DPP10: variants seen among roughly 807,000 people sequenced by gnomAD.
The protein encoded by DPP10 is dipeptidyl peptidase like 10.
DPP10 carries 33 observed loss-of-function variants against 120.9 expected under a neutral mutation model. The observed-to-expected ratio is 0.27, with a 90% CI of 0.21 to 0.37. The LOEUF is 0.37. Among genes scored for constraint, DPP10 ranks in the 10% least tolerant of loss-of-function variants. The pLI is 1.00. For synonymous variants in DPP10, 337 were observed against 326.1 expected (o/e 1.03, Z -0.36); for missense variants, 816 against 942.8 (o/e 0.87, Z 1.76).
chr2:115,607,367 G>A (rs2083769107), intron 5 of DPP10, among the ~76,000 whole-genome samples: 1 of 152,116 alleles, frequency 6.6e-6, no homozygotes, highest in African/African-American at 2.4e-5. Flanking sequence ...TTTAGTAAAA[G>A]GGAACATATG....
intron 1 of DPP10, among the ~76,000 whole-genome samples, chr2:115,305,584 A>C (rs978412380): frequency 6.6e-6 from 1 of 151,790 alleles, no homozygotes; most frequent in Non-Finnish European, 1.5e-5. Context: ...ATAATTTTAA[A>C]AAATTAACTG....
chr2:114,809,759 CAG>C (rs1045731143), intron 1 of DPP10, among the ~76,000 whole-genome samples: 1 of 152,152 alleles, frequency 6.6e-6, no homozygotes, highest in African/African-American at 2.4e-5. Flanking sequence ...GAAACCCACT[CAG>C]AGTCTATTCA....
chr2:115,557,812 C>G (rs890812386), intron 5 of DPP10, among the ~76,000 whole-genome samples: 4 of 152,114 alleles, frequency 2.6e-5, no homozygotes, highest in Admixed American at 6.5e-5. Context: ...AGGCTCCTAC[C>G]TAGGAAGACA....
chr2:114,857,429 G>A (rs983282458), intron 1 of DPP10, among the ~76,000 whole-genome samples: 3 of 152,178 alleles, frequency 2.0e-5, no homozygotes. Context: ...CTCTAGAGAT[G>A]TTAAGCCATA....
chr2:114,716,064 A>G (rs951007405), intron 1 of DPP10, among the ~76,000 whole-genome samples: 1 of 152,176 alleles, frequency 6.6e-6, no homozygotes, highest in Middle Eastern at 3.4e-3. Flanking sequence ...TTTTAAAAAA[A>G]AAACAAACGC....
chr2:114,856,203 A>G (rs1689356562), intron 1 of DPP10, among the ~76,000 whole-genome samples: 1 of 152,306 alleles, frequency 6.6e-6, no homozygotes, highest in South Asian at 2.1e-4. Context: ...ATCCCATGAG[A>G]TATCATAATA....
At chr2:115,834,598 C>A (rs184082872) in intron 21 of DPP10, among the ~76,000 whole-genome samples, 210 of 151,912 alleles carry the variant, frequency 1.4e-3, no homozygotes, top group African/African-American at 4.9e-3. Context: ...GACATCTTGG[C>A]TTATTAAAAA....
intron 1 of DPP10, among the ~76,000 whole-genome samples, chr2:114,444,942 ATCTC>A (rs1320958225): frequency 1.3e-5 from 2 of 152,136 alleles, no homozygotes; most frequent in East Asian, 3.9e-4. Flanking sequence ...TGAGTGGAAA[ATCTC>A]TCTTAGTTCA....
At chr2:115,357,835 A>G (rs1461100216) in intron 3 of DPP10, among the ~76,000 whole-genome samples, 1 of 152,132 alleles carries the variant, frequency 6.6e-6, no homozygotes, top group East Asian at 1.9e-4. Flanking sequence ...TTTTCTGTGC[A>G]CCCATAGGAC....
At chr2:114,917,755 T>A (rs531655537) in intron 1 of DPP10, among the ~76,000 whole-genome samples, 1 of 152,224 alleles carries the variant, frequency 6.6e-6, no homozygotes, top group Non-Finnish European at 1.5e-5. Flanking sequence ...GCTAGCCACA[T>A]GCAGAAGACT....
At position 114,839,830 on chromosome 2, in the gene DPP10, T is replaced by C. The variant is rs184091163; in HGVS notation, c.60+396992T>C. ...ATTTCAAAGAAAAAATGTAAAATTCTCGTTAATCTAAGAAGACTCAGAGAA... is the reference window on the plus strand; with the variant it reads ...ATTTCAAAGAAAAAATGTAAAATTCCCGTTAATCTAAGAAGACTCAGAGAA... On this transcript the variant is annotated intron_variant, in intron 1 of 25. Coordinates refer to ENST00000410059, the MANE Select transcript of DPP10 (RefSeq NM_020868.6). Among the ~76,000 whole-genome samples the C allele has an allele frequency of 1.6e-3, 238 of 152,322 alleles. 1 individual carries two copies. The highest frequency in any genetic ancestry group is 5.1e-3 in the African/African-American group (214 of 41,580).
At chr2:114,943,260 T>C (rs1412815779) in intron 1 of DPP10, among the ~76,000 whole-genome samples, 2 of 152,142 alleles carry the variant, frequency 1.3e-5, no homozygotes, top group Admixed American at 1.3e-4. Context: ...TGGTATTCCA[T>C]GTCGTATATG....
intron 8 of DPP10, among the ~76,000 whole-genome samples, chr2:115,728,353 T>A (rs1265063577): frequency 1.3e-5 from 2 of 151,552 alleles, no homozygotes; most frequent in Admixed American, 6.6e-5. Flanking sequence ...AGGGACATTC[T>A]GTCACACTTT....
intron 1 of DPP10, among the ~76,000 whole-genome samples, chr2:115,221,166 C>T (rs191193667): frequency 6.4e-4 from 97 of 152,018 alleles, no homozygotes; most frequent in Admixed American, 5.1e-3. Flanking sequence ...AATTAAAGTA[C>T]GTCACAAAGA....
chr2:115,537,424 A>G (rs527260377), intron 5 of DPP10, among the ~76,000 whole-genome samples: 66 of 152,160 alleles, frequency 4.3e-4, no homozygotes, highest in Admixed American at 7.9e-4. Context: ...ATATTTGGCA[A>G]ATATTAGGTT....
intron 1 of DPP10, among the ~76,000 whole-genome samples, chr2:115,289,283 G>C (rs1463339434): frequency 6.6e-6 from 1 of 151,924 alleles, no homozygotes; most frequent in Non-Finnish European, 1.5e-5. Context: ...GATGAAAGCT[G>C]ACACAAACAA....
intron 5 of DPP10, among the ~76,000 whole-genome samples, chr2:115,563,934 A>G (rs1184007096): frequency 6.6e-6 from 1 of 152,204 alleles, no homozygotes; most frequent in African/African-American, 2.4e-5. Context: ...CTAAATGCCT[A>G]AGATTGACAT....
chr2:115,610,212 C>A (rs1250114874), intron 5 of DPP10, among the ~76,000 whole-genome samples: 1 of 151,994 alleles, frequency 6.6e-6, no homozygotes, highest in Non-Finnish European at 1.5e-5. Context: ...TGGCATGAGG[C>A]CTCAGTTCCC....
At chr2:115,739,397 G>T (rs967668185) in intron 8 of DPP10, among the ~76,000 whole-genome samples, 47 of 151,998 alleles carry the variant, frequency 3.1e-4, no homozygotes, top group Admixed American at 3.1e-3. Context: ...ATGCAAATGT[G>T]AATGAATCAT....
Sources: allele counts gnomAD v4.1 joint callset (sites outside exome capture counted in the v4.1 genomes callset), GRCh38; gene constraint gnomAD v4.1.1; transcripts MANE v1.5; gene names NCBI Gene and HGNC (gene_info 2026-07-23, HGNC 2026-07-21).